KLF12: variants seen among roughly 807,000 people sequenced by gnomAD.
KLF12 encodes KLF transcription factor 12, also known as Krueppel-like factor 12.
KLF12 carries 9 observed loss-of-function variants against 37.8 expected under a neutral mutation model. That is an observed-to-expected ratio of 0.24 (90% CI 0.14 to 0.42). The LOEUF (loss-of-function observed/expected upper bound fraction) is 0.42. Among genes scored for constraint, KLF12 ranks in the 10% least tolerant of loss-of-function variants. The probability of loss-of-function intolerance (pLI) is 1.00; values close to 1 mark genes in which losing one functional copy is unlikely to be tolerated. For missense variants in KLF12, 411 were observed against 516.0 expected (o/e 0.80, Z 1.97); for synonymous variants, 208 against 202.1 (o/e 1.03, Z -0.25).
At chr13:74,183,772 C>A in the KLF12 span, among the ~76,000 whole-genome samples, 15 of 151,848 alleles carry the variant, frequency 9.9e-5, no homozygotes, top group Non-Finnish European at 2.2e-4. Context: ...CCCGTCTCTA[C>A]AAAAAAATGC....
At chr13:73,776,621 C>T (rs1357864658) in intron 5 of KLF12, among the ~76,000 whole-genome samples, 1 of 152,194 alleles carries the variant, frequency 6.6e-6, no homozygotes, top group East Asian at 1.9e-4. Context: ...CACTGTTCTC[C>T]CCTCTGCCCC....
rs952463663 is a variant in KLF12, at chr13:73,686,361, A to T, written c.*9129T>A. ...TCTCCCTTTACATTATCATAGGGCA[A>T]AAAAATCACCATTTTACAGTAAAAG... On this transcript the variant is annotated 3_prime_UTR_variant, in exon 8 of 8. Coordinates refer to ENST00000377669, the MANE Select transcript of KLF12 (RefSeq NM_007249.5). 1 of 152,624 alleles carries T rather than the reference A, an allele frequency of 6.6e-6. No individual in the cohort carries two copies. The highest frequency in any genetic ancestry group is 2.4e-5 in the African/African-American group (1 of 41,448). The allele number at this position is 152,624 out of a possible 1,614,324, so 9.5% of individuals were successfully genotyped here. A position where few individuals can be genotyped will look rare whatever the true frequency, so the allele number is the denominator to read the frequency against.
chr13:74,122,219 ATGAAT>A (rs1005621023), intron 1 of KLF12, among the ~76,000 whole-genome samples: 24 of 152,128 alleles, frequency 1.6e-4, no homozygotes, highest in African/African-American at 5.8e-4. Flanking sequence ...TTAATATAAA[ATGAAT>A]TCCCACAAAA....
At chr13:73,969,032 A>T (rs1473502286) in intron 2 of KLF12, among the ~76,000 whole-genome samples, 8 of 9,314 alleles carry the variant, frequency 8.6e-4, no homozygotes, top group Admixed American at 7.0e-3. Flanking sequence ...CATACTTTAA[A>T]AAAAAAAAAA....
the KLF12 span, among the ~76,000 whole-genome samples, chr13:74,254,734 A>T: frequency 3.9e-5 from 6 of 152,080 alleles, no homozygotes; most frequent in Non-Finnish European, 7.4e-5. Context: ...ATAAATACAT[A>T]TATGGTCTAA....
chr13:73,894,932 C>T (rs796687092), intron 3 of KLF12, among the ~76,000 whole-genome samples: 29 of 152,258 alleles, frequency 1.9e-4, no homozygotes, highest in Middle Eastern at 3.4e-3. Flanking sequence ...TATTTATCAA[C>T]GGATTTCCTT....
chr13:73,843,776 C>A (rs139177209), intron 4 of KLF12, among the ~76,000 whole-genome samples: 37 of 152,264 alleles, frequency 2.4e-4, no homozygotes, highest in African/African-American at 8.7e-4. Flanking sequence ...GATCCCAAAT[C>A]TCATATTCCT....
At chr13:73,720,289 T>C (rs999043708) in intron 6 of KLF12, among the ~76,000 whole-genome samples, 2 of 152,178 alleles carry the variant, frequency 1.3e-5, no homozygotes, top group African/African-American at 4.8e-5. Flanking sequence ...ATGCCCTTTG[T>C]TCAGAAGGCA....
rs1874009532 is a variant in KLF12 at position 73,694,645 on chromosome 13, G to A, written c.*845C>T. The A allele has an allele frequency of 6.5e-6, 1 of 152,678 alleles. No individual in the cohort carries two copies. Among genetic ancestry groups the A allele is most frequent in the African/African-American group, 2.4e-5 (1 of 41,462 alleles). The allele number at this position is 152,678 out of a possible 1,614,324, so 9.5% of individuals were successfully genotyped here. A position where few individuals can be genotyped will look rare whatever the true frequency, so the allele number is the denominator to read the frequency against. ...TGTAATCAAATACTAGGGGCAGGAAGAGATGATGCCTAGGTGACAGAACAC... is the reference window on the plus strand; with the variant it reads ...TGTAATCAAATACTAGGGGCAGGAAAAGATGATGCCTAGGTGACAGAACAC... On this transcript the variant is annotated 3_prime_UTR_variant, in exon 8 of 8. Transcript: ENST00000377669.
chr13:73,712,942 C>T (rs1411420260), intron 7 of KLF12, among the ~76,000 whole-genome samples: 2 of 152,140 alleles, frequency 1.3e-5, no homozygotes, highest in African/African-American at 4.8e-5. Context: ...TGTGTGACTT[C>T]CTTTCTTGTG....
chr13:74,299,497 GT>G, the KLF12 span, among the ~76,000 whole-genome samples: 8 of 152,082 alleles, frequency 5.3e-5, no homozygotes, highest in African/African-American at 1.7e-4. Context: ...TTCATTAATT[GT>G]AGATTTTCCA....
the KLF12 span, among the ~76,000 whole-genome samples, chr13:74,237,552 T>C: frequency 6.7e-6 from 1 of 148,530 alleles, no homozygotes; most frequent in Non-Finnish European, 1.5e-5. Context: ...ATTTTCATGA[T>C]ATTGATTCTT....
At chr13:74,010,822 C>A (rs1205834669) in intron 1 of KLF12, among the ~76,000 whole-genome samples, 4 of 152,154 alleles carry the variant, frequency 2.6e-5, no homozygotes, top group African/African-American at 9.7e-5. Context: ...TAGAAACATG[C>A]ATTAATGTCA....
intron 3 of KLF12, among the ~76,000 whole-genome samples, chr13:73,937,854 G>C (rs17061696): frequency 0.34 from 52,279 of 151,936 alleles, 9,137 homozygotes; most frequent in Middle Eastern, 0.41. Flanking sequence ...ATCTTTAGTG[G>C]AGGATACCTC....
chr13:73,760,522 C>T (rs1170150560), intron 6 of KLF12, among the ~76,000 whole-genome samples: 1 of 151,862 alleles, frequency 6.6e-6, no homozygotes, highest in Non-Finnish European at 1.5e-5. Context: ...TGGCGTCTCA[C>T]TATGTTGCCC....
At chr13:73,718,360 T>C (rs1875974141) in intron 6 of KLF12, among the ~76,000 whole-genome samples, 1 of 152,180 alleles carries the variant, frequency 6.6e-6, no homozygotes, top group African/African-American at 2.4e-5. Flanking sequence ...AAACAAAGGC[T>C]ACAGAAGGCC....
chr13:73,869,503 T>C (rs75104342), intron 3 of KLF12, among the ~76,000 whole-genome samples: 1 of 152,144 alleles, frequency 6.6e-6, no homozygotes, highest in African/African-American at 2.4e-5. Flanking sequence ...TATATATTTT[T>C]CAGGGTTTAA....
At chr13:73,937,221 T>G (rs894565606) in intron 3 of KLF12, among the ~76,000 whole-genome samples, 1 of 152,104 alleles carries the variant, frequency 6.6e-6, no homozygotes, top group Non-Finnish European at 1.5e-5. Flanking sequence ...AAGGATATTT[T>G]TTGTGATGCA....
intron 4 of KLF12, among the ~76,000 whole-genome samples, chr13:73,836,274 A>C (rs940918029): frequency 1.3e-5 from 2 of 152,240 alleles, no homozygotes; most frequent in Admixed American, 1.3e-4. Flanking sequence ...CCATTAACAA[A>C]GGAAAACAGG....
Sources: gnomAD v4.1 joint callset for allele counts (sites outside exome capture counted in the v4.1 genomes callset) on GRCh38, gnomAD v4.1.1 for gene constraint, MANE v1.5 for transcripts, NCBI Gene and HGNC (gene_info 2026-07-23, HGNC 2026-07-21) for gene names.